RSRC1: variants seen among roughly 807,000 people sequenced by gnomAD.
RSRC1 encodes the protein arginine and serine rich coiled-coil 1.
A neutral mutation model predicts 49.1 loss-of-function variants in RSRC1; 39 were observed. That is an observed-to-expected ratio of 0.79 (90% CI 0.61 to 1.04). RSRC1 has a LOEUF of 1.04. Among genes scored for constraint, RSRC1 ranks in the 50% least tolerant of loss-of-function variants. The pLI, the probability that RSRC1 is intolerant of heterozygous loss-of-function variation, is 0.00. For missense variants in RSRC1, 388 were observed against 402.4 expected (o/e 0.96, Z 0.31); for synonymous variants, 143 against 130.8 (o/e 1.09, Z -0.63).
At chr3:158,128,021 T>C (rs7614572) in intron 3 of RSRC1, among the ~76,000 whole-genome samples, 108,198 of 152,068 alleles carry the variant, frequency 0.71, 39,228 homozygotes, top group African/African-American at 0.83. Flanking sequence ...ATGTCTTTTC[T>C]CAATGGTGCT....
chr3:158,529,214 G>GTGTGTATATATATATATA lies in RSRC1; in HGVS notation c.653-7877_653-7876insGTGTATATATATATATAT, dbSNP rs374368016. 5.9e-3 allele frequency among the ~76,000 whole-genome samples: 842 copies of GTGTGTATATATATATATA among 143,084 alleles called. 4 individuals are homozygous for GTGTGTATATATATATATA. The highest frequency in any genetic ancestry group is 0.021 in the African/African-American group (796 of 37,998). The allele number at this position is 143,084 out of a possible 152,430, so 93.9% of individuals were successfully genotyped here. A position where few individuals can be genotyped will look rare whatever the true frequency, so the allele number is the denominator to read the frequency against. On this transcript the variant is annotated intron_variant, in intron 7 of 9. Transcript: ENST00000611884. ...TTTATGTATATATGTATGTGTGTGT[G>GTGTGTATATATATATATA]TATATATATATATATATATATCCTA...
intron 3 of RSRC1, among the ~76,000 whole-genome samples, chr3:158,129,284 C>CATTCTTTTTTTTTTTTTTTTTTT (rs1715834132): frequency 1.0e-5 from 1 of 99,946 alleles, no homozygotes; most frequent in African/African-American, 4.3e-5. Context: ...ACATTTCTTT[C>CATTCTTTTTTTTTTTTTTTTTTT]TTTCTTTTTT....
intron 6 of RSRC1, among the ~76,000 whole-genome samples, chr3:158,398,847 A>G (rs568970086): frequency 6.6e-6 from 1 of 152,246 alleles, no homozygotes; most frequent in South Asian, 2.1e-4. Flanking sequence ...TATTCAGTAC[A>G]TTTGTGAATG....
At chr3:158,158,899 A>G (rs1304853769) in intron 3 of RSRC1, among the ~76,000 whole-genome samples, 11 of 149,614 alleles carry the variant, frequency 7.4e-5, no homozygotes, top group Non-Finnish European at 1.5e-4. Context: ...TGATCGTACC[A>G]CTGCACTCCA....
chr3:158,195,345 G>T (rs1330440356), intron 3 of RSRC1, among the ~76,000 whole-genome samples: 4 of 145,130 alleles, frequency 2.8e-5, no homozygotes, highest in East Asian at 2.0e-4. Flanking sequence ...TGATGGGGTT[G>T]TTTTTTTTTT....
At chr3:158,523,197 T>A (rs1447497785) in intron 7 of RSRC1, among the ~76,000 whole-genome samples, 3 of 152,124 alleles carry the variant, frequency 2.0e-5, no homozygotes, top group Non-Finnish European at 4.4e-5. Context: ...ATCATTTGTA[T>A]TTCAACTTAT....
At chr3:158,186,139 G>A (rs535120014) in intron 3 of RSRC1, among the ~76,000 whole-genome samples, 76 of 151,834 alleles carry the variant, frequency 5.0e-4, no homozygotes, top group Non-Finnish European at 8.8e-4. Flanking sequence ...AATAAACGCC[G>A]TTTTAAAAAG....
At chr3:158,308,904 C>T (rs1209468353) in intron 5 of RSRC1, among the ~76,000 whole-genome samples, 5 of 151,876 alleles carry the variant, frequency 3.3e-5, no homozygotes, top group Non-Finnish European at 5.9e-5. Context: ...GAGTATAAAA[C>T]TTTTTATGGG....
chr3:158,486,790 G>T (rs192548780), intron 7 of RSRC1, among the ~76,000 whole-genome samples: 7 of 152,228 alleles, frequency 4.6e-5, no homozygotes, highest in East Asian at 3.9e-4. Flanking sequence ...TATAAATAAA[G>T]AAACTGGACA....
chr3:158,115,128 G>T (rs1428688307), intron 1 of RSRC1, among the ~76,000 whole-genome samples: 1 of 152,156 alleles, frequency 6.6e-6, no homozygotes, highest in Non-Finnish European at 1.5e-5. Flanking sequence ...GATATTGGCT[G>T]TGGGTTTGTT....
intron 7 of RSRC1, among the ~76,000 whole-genome samples, chr3:158,535,052 A>G (rs939480814): frequency 6.6e-6 from 1 of 151,446 alleles, no homozygotes; most frequent in Non-Finnish European, 1.5e-5. Flanking sequence ...TAAAAAATGA[A>G]TATTAATCAC....
rs115256315 is a variant in RSRC1, at chr3:158,421,679, A to G, written c.584-39256A>G. Among the ~76,000 whole-genome samples, 34 of 151,856 alleles carry G rather than the reference A, an allele frequency of 2.2e-4. 1 individual carries two copies. The highest frequency in any genetic ancestry group is 2.2e-3 in the Admixed American group (33 of 15,188). The stretch of plus-strand genomic sequence containing the variant: ...ATAGAATATTCTTAATGAAACTATA[A>G]AATAAATATGTTAAAATGATTCAAG... On this transcript the variant is annotated intron_variant, in intron 6 of 9. Coordinates refer to ENST00000611884, the MANE Select transcript of RSRC1 (RefSeq NM_001271838.2).
rs1722371548 is a variant in RSRC1, at chr3:158,223,960, C to A, written c.494+20715C>A. 2.0e-5 allele frequency among the ~76,000 whole-genome samples: 3 copies of A among 151,842 alleles called. No homozygotes were observed. The South Asian group carries it at 6.2e-4, about 31-fold the overall frequency. ...TTCCTGAACACTGATTGTAAATTAG[C>A]TGTCCCTACCCCATTACTCTATATT... On this transcript the variant is annotated intron_variant, in intron 4 of 9. Transcript: ENST00000611884.
intron 4 of RSRC1, among the ~76,000 whole-genome samples, chr3:158,230,494 A>AAAC (rs1243409322): frequency 1.3e-5 from 2 of 152,148 alleles, no homozygotes; most frequent in Non-Finnish European, 2.9e-5. Flanking sequence ...AAACAAAACA[A>AAAC]AACAACAGGG....
intron 1 of RSRC1, among the ~76,000 whole-genome samples, chr3:158,110,899 T>A (rs991950965): frequency 1.3e-5 from 2 of 152,254 alleles, no homozygotes; most frequent in African/African-American, 4.8e-5. Flanking sequence ...GCATGTTGCC[T>A]GCTCTTGATT....
At position 158,140,832 on chromosome 3, in the gene RSRC1, A is replaced by G. The variant is rs556976320; in HGVS notation, c.320+16841A>G. ...AGAAACATTGTTTATGCTGTTAGAG[A>G]TATTACTGCCCAGGTAAATGTCTAG... On this transcript the variant is annotated intron_variant, in intron 3 of 9. Transcript: ENST00000611884. Among the ~76,000 whole-genome samples the G allele has an allele frequency of 2.0e-3, 312 of 152,278 alleles. 1 individual carries two copies. The highest frequency in any genetic ancestry group is 4.8e-3 in the Admixed American group (73 of 15,294).
At chr3:158,226,156 G>C (rs1380451068) in intron 4 of RSRC1, among the ~76,000 whole-genome samples, 1 of 151,790 alleles carries the variant, frequency 6.6e-6, no homozygotes, top group African/African-American at 2.4e-5. Context: ...GATCTGAAAG[G>C]ACAGGTGAAA....
At chr3:158,233,019 A>T (rs1723051818) in intron 4 of RSRC1, among the ~76,000 whole-genome samples, 1 of 92,242 alleles carries the variant, frequency 1.1e-5, no homozygotes, top group Admixed American at 1.1e-4. Flanking sequence ...TTACTGAATG[A>T]ATAATTAAAA....
At chr3:158,503,318 G>T (rs1393595111) in intron 7 of RSRC1, among the ~76,000 whole-genome samples, 1 of 152,118 alleles carries the variant, frequency 6.6e-6, no homozygotes, top group African/African-American at 2.4e-5. Flanking sequence ...CTCCGTGAGG[G>T]TTCTTAGCTT....
Sources: allele counts gnomAD v4.1 joint callset (sites outside exome capture counted in the v4.1 genomes callset), GRCh38; gene constraint gnomAD v4.1.1; transcripts MANE v1.5; gene names NCBI Gene and HGNC (gene_info 2026-07-23, HGNC 2026-07-21).